Variants in UTS2 observed in about 807,000 individuals in gnomAD.
The protein encoded by UTS2 is urotensin 2, also known as urotensin-2.
UTS2 carries 10 observed loss-of-function variants against 12.6 expected under a neutral mutation model. The observed-to-expected ratio is 0.80, with a 90% CI of 0.49 to 1.35. UTS2 has a LOEUF of 1.35. UTS2 is among the 40% of genes most tolerant of loss of function. The probability of loss-of-function intolerance (pLI) is 0.00; values close to 1 mark genes in which losing one functional copy is unlikely to be tolerated. For synonymous variants in UTS2, 52 were observed against 50.0 expected, an observed-to-expected ratio of 1.04 and a Z score of -0.17; for missense variants, 142 against 143.2, an observed-to-expected ratio of 0.99 and a Z score of 0.04.
the UTS2 span, among the ~76,000 whole-genome samples, chr1:7,868,657 C>T: frequency 1.3e-5 from 2 of 152,366 alleles, no homozygotes; most frequent in African/African-American, 4.8e-5. Flanking sequence ...GTGGCCTTGG[C>T]ATATTCTCTA....
the UTS2 span, among the ~76,000 whole-genome samples, chr1:7,911,880 G>A: frequency 7.2e-3 from 989 of 137,912 alleles, 13 homozygotes; most frequent in African/African-American, 0.027. Context: ...CAGCCTGGGC[G>A]ACAGAGTGAG....
the UTS2 span, among the ~76,000 whole-genome samples, chr1:7,888,671 G>C: frequency 6.6e-6 from 1 of 152,206 alleles, no homozygotes; most frequent in African/African-American, 2.4e-5. Flanking sequence ...TACTTCGTCA[G>C]ACCACACGAC....
chr1:7,857,473 G>A (rs1638336907), upstream of UTS2, among the ~76,000 whole-genome samples: 1 of 25,376 alleles, frequency 3.9e-5, no homozygotes. Flanking sequence ...TTACTACTAT[G>A]TTAAAAAAAA....
At chr1:7,910,390 C>A in the UTS2 span, among the ~76,000 whole-genome samples, 1 of 151,918 alleles carries the variant, frequency 6.6e-6, no homozygotes, top group African/African-American at 2.4e-5. Flanking sequence ...TGCCTCACAC[C>A]CAGAAGGAAT....
the UTS2 span, among the ~76,000 whole-genome samples, chr1:7,861,583 C>A: frequency 6.6e-6 from 1 of 152,210 alleles, no homozygotes; most frequent in African/African-American, 2.4e-5. Flanking sequence ...CCCGATTTGC[C>A]TTTTGCACGC....
chr1:7,887,334 C>T, the UTS2 span, among the ~76,000 whole-genome samples: 1 of 152,014 alleles, frequency 6.6e-6, no homozygotes, highest in East Asian at 1.9e-4. Context: ...GTGTGAGCAG[C>T]CAGAGGAGCC....
the UTS2 span, among the ~76,000 whole-genome samples, chr1:7,882,286 G>A: frequency 6.6e-6 from 1 of 152,192 alleles, no homozygotes; most frequent in African/African-American, 2.4e-5. Flanking sequence ...AGTGAACTAT[G>A]ATAGTGCCAC....
chr1:7,847,801 C>T lies in UTS2; in HGVS notation c.340G>A (p.Glu114Lys). The T allele has an allele frequency of 6.2e-7, 1 of 1,613,962 alleles. No individual in the cohort carries two copies. The highest frequency in any genetic ancestry group is 8.5e-7 in the Non-Finnish European group (1 of 1,179,936). ...TATTTCCAGAAGCAATCAGGAGTCTCACGTTTCTTGTATGGTTTCCAGATT... is the reference window on the plus strand; with the variant it reads ...TATTTCCAGAAGCAATCAGGAGTCTTACGTTTCTTGTATGGTTTCCAGATT... ...ARIWKPYKKR[E>K]TPDCFWKYCV Residue 114 changes from glutamate to lysine, a missense_variant, in exon 4 of 4, where the codon GAG (glutamate) becomes AAG (lysine). Physicochemically the swap from Glu to Lys is moderately conservative, Grantham distance 56. Transcript: ENST00000361696.
chr1:7,877,509 A>G, the UTS2 span, among the ~76,000 whole-genome samples: 4 of 152,244 alleles, frequency 2.6e-5, no homozygotes, highest in African/African-American at 9.6e-5. Context: ...AGCAGTCTAG[A>G]CCAAATATTT....
chr1:7,857,838 A>C (rs1462344981), upstream of UTS2, among the ~76,000 whole-genome samples: 9 of 131,852 alleles, frequency 6.8e-5, no homozygotes, highest in Admixed American at 5.9e-4. Context: ...CAACAGAGTG[A>C]GACCCAGTCT....
At chr1:7,853,375 T>C, upstream of UTS2, 3 of 1,614,110 alleles carry the variant, frequency 1.9e-6, no homozygotes, top group Non-Finnish European at 2.5e-6. Context: ...GAGACGTGGA[T>C]TTATGAGTCC....
At chr1:7,911,559 C>T in the UTS2 span, among the ~76,000 whole-genome samples, 1 of 152,124 alleles carries the variant, frequency 6.6e-6, no homozygotes, top group Non-Finnish European at 1.5e-5. Context: ...TTACTGGGTC[C>T]AAAGCCCGTG....
At chr1:7,896,290 C>A in the UTS2 span, among the ~76,000 whole-genome samples, 1 of 151,428 alleles carries the variant, frequency 6.6e-6, no homozygotes, top group African/African-American at 2.4e-5. Context: ...TACCTCACAC[C>A]AAACATAAAA....
chr1:7,909,498 C>T, the UTS2 span, among the ~76,000 whole-genome samples: 10 of 143,064 alleles, frequency 7.0e-5, no homozygotes, highest in South Asian at 2.2e-4. Flanking sequence ...GAGCTGAGAT[C>T]GCACCACTAC....
the UTS2 span, among the ~76,000 whole-genome samples, chr1:7,873,942 G>T: frequency 3.3e-5 from 5 of 151,940 alleles, no homozygotes; most frequent in African/African-American, 1.2e-4. Context: ...ATTGTGAATG[G>T]TAAGAAACAT....
At chr1:7,853,346 T>G (rs186448206), upstream of UTS2, 345 of 1,614,068 alleles carry the variant, frequency 2.1e-4, no homozygotes, top group Non-Finnish European at 2.7e-4. Context: ...TGGATATGAG[T>G]TGAAGTGGCC....
the UTS2 span, among the ~76,000 whole-genome samples, chr1:7,902,790 C>T: frequency 1.7e-3 from 261 of 152,242 alleles, 1 homozygote; most frequent in Admixed American, 4.4e-3. Context: ...CCACTGGCGG[C>T]GTGGTTTCAG....
chr1:7,905,560 C>G, the UTS2 span, among the ~76,000 whole-genome samples: 1 of 151,770 alleles, frequency 6.6e-6, no homozygotes, highest in African/African-American at 2.4e-5. Context: ...TTGAATAAAG[C>G]AGATGGCCCT....
chr1:7,877,078 G>A, the UTS2 span, among the ~76,000 whole-genome samples: 1 of 139,072 alleles, frequency 7.2e-6, no homozygotes, highest in Non-Finnish European at 1.5e-5. Context: ...GCTGTGAGCT[G>A]AGATTGCATC....
Sources: gnomAD v4.1 joint callset for allele counts (sites outside exome capture counted in the v4.1 genomes callset) on GRCh38, gnomAD v4.1.1 for gene constraint, MANE v1.5 for transcripts, NCBI Gene and HGNC (gene_info 2026-07-23, HGNC 2026-07-21) for gene names.